Variants in KIAA1549L observed in about 807,000 individuals in gnomAD.
KIAA1549L encodes UPF0606 protein KIAA1549L.
A neutral mutation model predicts 160.7 loss-of-function variants in KIAA1549L; 88 were observed. The observed-to-expected ratio is 0.55, with a 90% confidence interval of 0.46 to 0.65. The LOEUF is 0.65. Among genes scored for constraint, KIAA1549L ranks in the 30% least tolerant of loss-of-function variants. KIAA1549L has a pLI of 0.00. For missense variants in KIAA1549L, 2,258 were observed against 2,437.5 expected (o/e 0.93, Z 1.55); for synonymous variants, 950 against 976.7 (o/e 0.97, Z 0.51).
chr11:33,436,404 A>G (rs1027159527), intron 1 of KIAA1549L, among the ~76,000 whole-genome samples: 1 of 152,222 alleles, frequency 6.6e-6, no homozygotes, highest in African/African-American at 2.4e-5. Context: ...GCTTGAAGGC[A>G]GTCAGAGAGA....
At position 33,431,693 on chromosome 11, in the gene KIAA1549L, C is replaced by T. The variant is rs187317584; in HGVS notation, c.238+54804C>T. On this transcript the variant is annotated intron_variant, in intron 1 of 20. Coordinates refer to ENST00000658780, the MANE Select transcript of KIAA1549L (RefSeq NM_012194.3). ...CCAGCTGGCTTCACCCAGTGGATCC[C>T]GCACCGGGGCTGCAGGTGGAGCTGC... Among the ~76,000 whole-genome samples, 1,254 of 152,366 alleles carry T rather than the reference C, an allele frequency of 8.2e-3. 18 individuals are homozygous for T. The highest frequency in any genetic ancestry group is 0.028 in the African/African-American group (1,180 of 41,584).
chr11:33,482,535 C>T (rs1014977920), intron 1 of KIAA1549L, among the ~76,000 whole-genome samples: 6 of 150,674 alleles, frequency 4.0e-5, no homozygotes, highest in Admixed American at 6.6e-5. Context: ...TTAACAATTA[C>T]GTGTATCTAA....
intron 11 of KIAA1549L, among the ~76,000 whole-genome samples, chr11:33,590,715 G>C (rs1850027313): frequency 6.6e-6 from 1 of 152,206 alleles, no homozygotes; most frequent in African/African-American, 2.4e-5. Context: ...TAATACTCAA[G>C]GGTGGTAGAA....
chr11:33,661,115 C>A, intron 20 of KIAA1549L, 101 bp downstream of exon 20: 1 of 1,191,632 alleles, frequency 8.4e-7, no homozygotes, highest in Non-Finnish European at 1.2e-6. Flanking sequence ...GTTATCTCAG[C>A]CTCCTCACAG....
chr11:33,668,208 G>A lies in KIAA1549L; in HGVS notation c.*54G>A. 2.0e-6 allele frequency: 3 copies of A among 1,536,158 alleles called. 1 individual carries two copies. In the South Asian group the frequency reaches 3.6e-5, roughly 18 times the overall value. On this transcript the variant is annotated 3_prime_UTR_variant, in exon 21 of 21. Coordinates refer to ENST00000658780, the MANE Select transcript of KIAA1549L (RefSeq NM_012194.3). Reference sequence around the variant, plus strand: ...CCAAACTCTGAGGACTCAGCCTTTGGGTTTCCCATGCCTACGTGTTAGGAC... The same window carrying A: ...CCAAACTCTGAGGACTCAGCCTTTGAGTTTCCCATGCCTACGTGTTAGGAC...
intron 1 of KIAA1549L, among the ~76,000 whole-genome samples, chr11:33,483,537 G>A (rs577515030): frequency 1.3e-5 from 2 of 152,226 alleles, no homozygotes; most frequent in East Asian, 3.9e-4. Flanking sequence ...ACGAGGCAAG[G>A]CAGGCATATG....
intron 1 of KIAA1549L, among the ~76,000 whole-genome samples, chr11:33,381,007 A>G (rs1850064421): frequency 6.6e-6 from 1 of 151,834 alleles, no homozygotes; most frequent in Non-Finnish European, 1.5e-5. Context: ...TCTCACAGGG[A>G]TTAGAGAGAA....
At chr11:33,648,716 C>G (rs1851795466) in intron 17 of KIAA1549L, among the ~76,000 whole-genome samples, 1 of 151,764 alleles carries the variant, frequency 6.6e-6, no homozygotes. Context: ...GACTCCACAT[C>G]TAATGTCCAA....
Position 33,542,722 on chromosome 11 carries a change from C to G in KIAA1549L, c.1159C>G (p.Gln387Glu). 3 of 1,614,034 alleles carry G rather than the reference C, an allele frequency of 1.9e-6. No individual in the cohort carries two copies. The highest frequency in any genetic ancestry group is 2.5e-6 in the Non-Finnish European group (3 of 1,179,888). Residue 387 changes from glutamine (Q) to glutamate (E), a missense_variant, in exon 2 of 21, where the codon CAG becomes GAG. Coordinates refer to ENST00000658780, the MANE Select transcript of KIAA1549L (RefSeq NM_012194.3). The stretch of plus-strand genomic sequence containing the variant: ...AGTGGCTTCAGGTCCTGCATCCACC[C>G]AGCAGATCAAAGCTGGGGTGCCTGG... ...LEVASGPAST[Q>E]QIKAGVPGRV...
chr11:33,397,184 A>G (rs1274117944), intron 1 of KIAA1549L, among the ~76,000 whole-genome samples: 1 of 145,810 alleles, frequency 6.9e-6, no homozygotes, highest in African/African-American at 2.5e-5. Context: ...AAATACAAAA[A>G]TTAGCCGGAC....
At chr11:33,446,483 A>G (rs1440751721) in intron 1 of KIAA1549L, among the ~76,000 whole-genome samples, 1 of 152,054 alleles carries the variant, frequency 6.6e-6, no homozygotes, top group Non-Finnish European at 1.5e-5. Flanking sequence ...GTAACAAATT[A>G]CCCAACACTT....
At chr11:33,501,140 G>A (rs1300192054) in intron 1 of KIAA1549L, among the ~76,000 whole-genome samples, 3 of 152,178 alleles carry the variant, frequency 2.0e-5, no homozygotes, top group Non-Finnish European at 4.4e-5. Context: ...AGAGACTAGG[G>A]CAAAGGCGAC....
chr11:33,386,727 T>C (rs1850180358), intron 1 of KIAA1549L, among the ~76,000 whole-genome samples: 1 of 151,850 alleles, frequency 6.6e-6, no homozygotes, highest in Admixed American at 6.6e-5. Flanking sequence ...TAGGAATTTT[T>C]AGTTTCATGT....
chr11:33,401,701 A>G (rs1850504094), intron 1 of KIAA1549L, among the ~76,000 whole-genome samples: 1 of 152,182 alleles, frequency 6.6e-6, no homozygotes, highest in Non-Finnish European at 1.5e-5. Context: ...AGCTGGGACT[A>G]CAGGCACATG....
intron 1 of KIAA1549L, among the ~76,000 whole-genome samples, chr11:33,496,809 C>T (rs1852831099): frequency 6.6e-6 from 1 of 152,188 alleles, no homozygotes; most frequent in African/African-American, 2.4e-5. Flanking sequence ...ACCCAAGCTC[C>T]TATGGTGACC....
intron 1 of KIAA1549L, among the ~76,000 whole-genome samples, chr11:33,469,911 T>C (rs1307384982): frequency 6.6e-6 from 1 of 152,264 alleles, no homozygotes; most frequent in Non-Finnish European, 1.5e-5. Context: ...TTATATATTC[T>C]AGATACAAGC....
At chr11:33,567,814 C>T (rs117986593) in intron 8 of KIAA1549L, among the ~76,000 whole-genome samples, 2 of 152,212 alleles carry the variant, frequency 1.3e-5, no homozygotes, top group African/African-American at 4.8e-5. Context: ...CACAGTCTGG[C>T]TTGGGTTTGG....
intron 17 of KIAA1549L, among the ~76,000 whole-genome samples, chr11:33,655,599 T>C (rs1852037278): frequency 6.6e-6 from 1 of 152,192 alleles, no homozygotes; most frequent in Non-Finnish European, 1.5e-5. Context: ...TGGCAGATCG[T>C]AAATAAACAA....
chr11:33,666,689 A>ACT (rs2133461408), intron 20 of KIAA1549L, among the ~76,000 whole-genome samples: 1 of 152,204 alleles, frequency 6.6e-6, no homozygotes, highest in East Asian at 1.9e-4. Context: ...TAAGCATAGG[A>ACT]CTCTGTGTCT....
Sources: gnomAD v4.1 joint callset for allele counts (sites outside exome capture counted in the v4.1 genomes callset) on GRCh38, gnomAD v4.1.1 for gene constraint, MANE v1.5 for transcripts, NCBI Gene and HGNC (gene_info 2026-07-23, HGNC 2026-07-21) for gene names.